The following PRMT3 variants were observed in gnomAD, a reference collection of about 807,000 sequenced individuals.
PRMT3 encodes protein arginine N-methyltransferase 3.
Under a neutral mutation model 71.9 loss-of-function variants are expected in PRMT3, and 62 were observed. That is an observed-to-expected ratio of 0.86 (90% confidence interval 0.70 to 1.07). The LOEUF (loss-of-function observed/expected upper bound fraction) is 1.07. Among genes scored for constraint, PRMT3 ranks in the 50% least tolerant of loss-of-function variants. PRMT3 has a pLI of 0.00. For synonymous variants in PRMT3, 213 were observed against 220.4 expected (o/e 0.97, Z 0.30); for missense variants, 663 against 643.0 (o/e 1.03, Z -0.34).
intron 15 of PRMT3, among the ~76,000 whole-genome samples, chr11:20,507,777 TAAA>T (rs572836588): frequency 1.3e-4 from 8 of 63,624 alleles, no homozygotes; most frequent in African/African-American, 3.4e-4. Context: ...GAGACTGTCT[TAAA>T]AAAAAAATTA....
intron 10 of PRMT3, among the ~76,000 whole-genome samples, chr11:20,449,931 A>G (rs1288956677): frequency 6.6e-6 from 1 of 152,136 alleles, no homozygotes; most frequent in African/African-American, 2.4e-5. Context: ...GTAAGGAGAC[A>G]AAATAAAAAC....
intron 10 of PRMT3, among the ~76,000 whole-genome samples, chr11:20,450,960 TGAGCAATAA>T (rs1850134062): frequency 6.6e-6 from 1 of 152,198 alleles, no homozygotes; most frequent in African/African-American, 2.4e-5. Flanking sequence ...TGGTTCACCC[TGAGCAATAA>T]GATGTACTAT....
At chr11:20,413,861 C>T (rs1197877829) in intron 9 of PRMT3, among the ~76,000 whole-genome samples, 1 of 152,090 alleles carries the variant, frequency 6.6e-6, no homozygotes, top group Non-Finnish European at 1.5e-5. Context: ...ACAAAAACAG[C>T]TCTTCTGGTT....
intron 11 of PRMT3, among the ~76,000 whole-genome samples, chr11:20,457,616 A>G (rs1850296572): frequency 6.6e-6 from 1 of 152,230 alleles, no homozygotes; most frequent in African/African-American, 2.4e-5. Context: ...CAGAGTTACA[A>G]CTGGTGAACA....
intron 13 of PRMT3, among the ~76,000 whole-genome samples, chr11:20,488,165 C>T (rs1184255623): frequency 2.0e-5 from 3 of 151,870 alleles, no homozygotes; most frequent in Non-Finnish European, 2.9e-5. Flanking sequence ...AGAAAGAGTC[C>T]GTAATTTAAT....
At chr11:20,453,197 C>G (rs1041134555) in intron 11 of PRMT3, among the ~76,000 whole-genome samples, 7 of 151,706 alleles carry the variant, frequency 4.6e-5, no homozygotes, top group Non-Finnish European at 1.0e-4. Flanking sequence ...AAAAATCAGG[C>G]CGGCTGGGTG....
intron 7 of PRMT3, among the ~76,000 whole-genome samples, chr11:20,402,638 C>T (rs745522582): frequency 2.6e-5 from 4 of 152,108 alleles, no homozygotes; most frequent in Non-Finnish European, 5.9e-5. Context: ...TTAATTATCA[C>T]TCTAAGTCTT....
intron 10 of PRMT3, among the ~76,000 whole-genome samples, chr11:20,428,712 C>T (rs1262529291): frequency 1.3e-5 from 2 of 152,194 alleles, no homozygotes; most frequent in African/African-American, 4.8e-5. Flanking sequence ...GCTGCCTTTA[C>T]CAAGCTCCTA....
chr11:20,464,382 T>C, intron 12 of PRMT3, 78 bp from the exon 13 acceptor site: 1 of 1,480,366 alleles, frequency 6.8e-7, no homozygotes, highest in Admixed American at 2.5e-5. Context: ...TTGTCTGGGT[T>C]GTTTTTGTTT....
intron 10 of PRMT3, among the ~76,000 whole-genome samples, chr11:20,428,722 A>T (rs912372687): frequency 6.6e-6 from 1 of 152,224 alleles, no homozygotes; most frequent in Non-Finnish European, 1.5e-5. Flanking sequence ...CCAAGCTCCT[A>T]TGATGGCTAA....
chr11:20,504,745 A>AGAGAGAGAGAGAGCGC (rs1491497481), intron 15 of PRMT3, among the ~76,000 whole-genome samples: 1 of 141,142 alleles, frequency 7.1e-6, no homozygotes, highest in African/African-American at 2.6e-5. Flanking sequence ...AGAGAGAGAG[A>AGAGAGAGAGAGAGCGC]GCGAGAGCGA....
chr11:20,437,476 C>T (rs1162127431), intron 10 of PRMT3, among the ~76,000 whole-genome samples: 1 of 152,098 alleles, frequency 6.6e-6, no homozygotes. Context: ...CAGATAGGTG[C>T]AGTGGTATAG....
chr11:20,452,269 T>C, intron 11 of PRMT3, 61 bp downstream of exon 11: 1 of 1,339,372 alleles, frequency 7.5e-7, no homozygotes, highest in Non-Finnish European at 1.1e-6. Context: ...AGATGAACCT[T>C]TGGATTTCAA....
At chr11:20,449,392 T>A (rs1016861616) in intron 10 of PRMT3, among the ~76,000 whole-genome samples, 2 of 152,098 alleles carry the variant, frequency 1.3e-5, no homozygotes, top group Non-Finnish European at 2.9e-5. Context: ...CTTGAATCCT[T>A]AACAAATGTA....
chr11:20,393,072 GT>G (rs1317468000), intron 5 of PRMT3, 73 bp downstream of exon 5: 2 of 922,598 alleles, frequency 2.2e-6, no homozygotes, highest in South Asian at 3.1e-5. Flanking sequence ...GAGGTAGAGT[GT>G]TTTAGGAAAA....
At chr11:20,427,804 A>G (rs892930356) in intron 10 of PRMT3, among the ~76,000 whole-genome samples, 1 of 152,226 alleles carries the variant, frequency 6.6e-6, no homozygotes, top group African/African-American at 2.4e-5. Flanking sequence ...TAGTGTTTCT[A>G]ATAAAGATTT....
chr11:20,449,467 G>C (rs778047415), intron 10 of PRMT3, among the ~76,000 whole-genome samples: 3 of 152,012 alleles, frequency 2.0e-5, no homozygotes, highest in African/African-American at 4.8e-5. Flanking sequence ...AACATAAAAG[G>C]GTGATTCAGA....
chr11:20,435,992 T>G (rs775394887), intron 10 of PRMT3, among the ~76,000 whole-genome samples: 1 of 152,248 alleles, frequency 6.6e-6, no homozygotes, highest in Non-Finnish European at 1.5e-5. Context: ...CCCTTCAATT[T>G]CTTTCATCAG....
chr11:20,462,177 T>G lies in PRMT3; in HGVS notation c.1260+10T>G. On this transcript the variant is annotated intron_variant, in intron 12 of 15. Coordinates refer to ENST00000331079, the MANE Select transcript of PRMT3 (RefSeq NM_005788.4). ...ACCTTGTGGTATTAAGGTAGGTGTT[T>G]TACCAACTTTATTTTTTATAATGGT... 2 of 1,546,428 alleles carry G rather than the reference T, an allele frequency of 1.3e-6. No individual in the cohort carries two copies. The highest frequency in any genetic ancestry group is 1.8e-5 in the Admixed American group (1 of 54,510).
Sources: allele counts gnomAD v4.1 joint callset (sites outside exome capture counted in the v4.1 genomes callset), GRCh38; gene constraint gnomAD v4.1.1; transcripts MANE v1.5; gene names NCBI Gene and HGNC (gene_info 2026-07-23, HGNC 2026-07-21).